The following SLC16A12 variants were observed in gnomAD, a reference collection of about 807,000 sequenced individuals.
The protein encoded by SLC16A12 is monocarboxylate transporter 12.
In SLC16A12, 17 loss-of-function variants were observed where a neutral mutation model predicts 42.4. That is an observed-to-expected ratio of 0.40 (90% CI 0.27 to 0.60). The LOEUF (loss-of-function observed/expected upper bound fraction) is 0.60. Ranked by LOEUF, SLC16A12 falls within the 20% of genes least tolerant of loss-of-function variation. SLC16A12 has a pLI of 0.42. For synonymous variants in SLC16A12, 224 were observed against 229.4 expected (o/e 0.98, Z 0.21); for missense variants, 544 against 623.0 (o/e 0.87, Z 1.35).
chr10:89,492,887 G>A (rs760695958), intron 2 of SLC16A12, among the ~76,000 whole-genome samples: 3 of 151,930 alleles, frequency 2.0e-5, no homozygotes, highest in Admixed American at 6.6e-5. Context: ...CAGTTCAAGC[G>A]TCTTGAACCT....
At chr10:89,433,397 A>G (rs1489198585) in intron 7 of SLC16A12, 71 bp from the exon 8 acceptor site, 2 of 1,501,948 alleles carry the variant, frequency 1.3e-6, no homozygotes, top group South Asian at 2.3e-5. Flanking sequence ...TCAAATTCTA[A>G]TGATTTGTAA....
At chr10:89,497,551 G>A (rs914135755) in intron 2 of SLC16A12, among the ~76,000 whole-genome samples, 5 of 152,076 alleles carry the variant, frequency 3.3e-5, no homozygotes, top group African/African-American at 9.7e-5. Context: ...TACATGGTGT[G>A]GGGGAAACAG....
At chr10:89,458,875 A>G (rs554969041) in intron 3 of SLC16A12, among the ~76,000 whole-genome samples, 19 of 152,342 alleles carry the variant, frequency 1.2e-4, no homozygotes, top group Non-Finnish European at 2.4e-4. Flanking sequence ...GGGGTGAGTT[A>G]ACAAACCACT....
At chr10:89,454,774 A>T (rs1256868068) in intron 3 of SLC16A12, among the ~76,000 whole-genome samples, 1 of 151,846 alleles carries the variant, frequency 6.6e-6, no homozygotes, top group Non-Finnish European at 1.5e-5. Flanking sequence ...ACGTGTTTCA[A>T]CTACATGCTG....
chr10:89,490,610 G>A (rs1032395654), intron 2 of SLC16A12, among the ~76,000 whole-genome samples: 2 of 152,156 alleles, frequency 1.3e-5, no homozygotes, highest in Non-Finnish European at 2.9e-5. Flanking sequence ...CAAGGTATGG[G>A]GGGCCGGGAT....
At chr10:89,518,338 G>GC (rs561533756) in intron 2 of SLC16A12, among the ~76,000 whole-genome samples, 4 of 152,178 alleles carry the variant, frequency 2.6e-5, no homozygotes, top group Non-Finnish European at 5.9e-5. Flanking sequence ...CCAGAGCCCA[G>GC]CATGCCACAA....
intron 2 of SLC16A12, among the ~76,000 whole-genome samples, chr10:89,476,335 C>T (rs972767606): frequency 2.0e-5 from 3 of 152,178 alleles, no homozygotes; most frequent in African/African-American, 7.2e-5. Context: ...CGCTGCCATC[C>T]GCCATGCTGT....
intron 2 of SLC16A12, among the ~76,000 whole-genome samples, chr10:89,520,055 G>A (rs1843327925): frequency 6.6e-6 from 1 of 151,332 alleles, no homozygotes; most frequent in African/African-American, 2.4e-5. Context: ...GGAGGTTGCA[G>A]TGAGCCGAGA....
intron 3 of SLC16A12, among the ~76,000 whole-genome samples, chr10:89,456,877 G>C (rs1324730882): frequency 6.6e-6 from 1 of 152,054 alleles, no homozygotes; most frequent in African/African-American, 2.4e-5. Context: ...CAAAGGACAT[G>C]ATCTTATTCC....
rs1454116833 is a variant in SLC16A12 at position 89,431,669 on chromosome 10, A to T, written c.*1395T>A. On this transcript the variant is annotated 3_prime_UTR_variant, in exon 8 of 8. Transcript: ENST00000371790. ...TTTAAACTCCTGGTAATTAAAATTG[A>T]TTGCATAATTTACTCCTATTACAGG... The T allele has an allele frequency of 6.6e-6, 1 of 152,158 alleles. No homozygotes were observed. Among genetic ancestry groups the T allele is most frequent in the East Asian group, 1.9e-4 (1 of 5,186 alleles). 9.4% of individuals were successfully genotyped at this position (152,158 alleles called of 1,614,324 possible).
chr10:89,547,439 T>G (rs1232987504), intron 2 of SLC16A12, among the ~76,000 whole-genome samples: 3 of 152,164 alleles, frequency 2.0e-5, no homozygotes, highest in Non-Finnish European at 4.4e-5. Context: ...CTAAATCCAG[T>G]ACAAATAAAT....
At chr10:89,522,087 A>G (rs1843367109) in intron 2 of SLC16A12, among the ~76,000 whole-genome samples, 1 of 152,116 alleles carries the variant, frequency 6.6e-6, no homozygotes, top group African/African-American at 2.4e-5. Flanking sequence ...AAGTTTGACC[A>G]CCTCATGTCC....
At chr10:89,462,760 G>T (rs1257494999) in intron 2 of SLC16A12, 136 bp from the exon 3 acceptor site, 2 of 981,960 alleles carry the variant, frequency 2.0e-6, no homozygotes, top group African/African-American at 3.3e-5. Flanking sequence ...GACTGGGGCA[G>T]ACTATTTGTT....
At chr10:89,439,597 C>A (rs1027417960) in intron 5 of SLC16A12, among the ~76,000 whole-genome samples, 2 of 152,128 alleles carry the variant, frequency 1.3e-5, no homozygotes, top group African/African-American at 4.8e-5. Flanking sequence ...CAATCTGCAC[C>A]ACTCTGGAAT....
intron 2 of SLC16A12, among the ~76,000 whole-genome samples, chr10:89,522,738 G>A (rs967506983): frequency 2.0e-5 from 3 of 152,150 alleles, no homozygotes; most frequent in Non-Finnish European, 4.4e-5. Context: ...TATAACCTCA[G>A]ACAAGTGACT....
chr10:89,539,975 CTCTTTCTT>C (rs1009588018), upstream of SLC16A12, among the ~76,000 whole-genome samples: 1 of 135,764 alleles, frequency 7.4e-6, no homozygotes, highest in Admixed American at 7.5e-5. Flanking sequence ...CTTTCTTTCT[CTCTTTCTT>C]TCTTTCTTTT....
chr10:89,461,722 CA>C (rs1374008490), intron 3 of SLC16A12, among the ~76,000 whole-genome samples: 1 of 152,146 alleles, frequency 6.6e-6, no homozygotes, highest in East Asian at 1.9e-4. Context: ...ATTAAGATGA[CA>C]GTTAAAAATT....
At position 89,498,282 on chromosome 10, in the gene SLC16A12, C is replaced by T. The variant is rs529509394; in HGVS notation, c.-46-35658G>A. ...AGAAGGTCAAGGCTGTGGTGAGCCC[C>T]GATCATGCCACTGCACTCCAGCCTG... On this transcript the variant is annotated intron_variant, in intron 2 of 7. Coordinates refer to ENST00000371790, the MANE Select transcript of SLC16A12 (RefSeq NM_213606.4). Among the ~76,000 whole-genome samples the T allele has an allele frequency of 1.1e-4, 16 of 152,054 alleles. No homozygotes were observed. The East Asian group carries it at 2.5e-3, about 24-fold the overall frequency.
At chr10:89,543,328 C>T (rs960524511) in intron 2 of SLC16A12, among the ~76,000 whole-genome samples, 1 of 152,106 alleles carries the variant, frequency 6.6e-6, no homozygotes, top group Admixed American at 6.5e-5. Flanking sequence ...CAAAGCCTTC[C>T]CATCCAACTC....
Sources: gnomAD v4.1 joint callset for allele counts (sites outside exome capture counted in the v4.1 genomes callset) on GRCh38, gnomAD v4.1.1 for gene constraint, MANE v1.5 for transcripts, NCBI Gene and HGNC (gene_info 2026-07-23, HGNC 2026-07-21) for gene names.